LMBR1: variants seen among roughly 807,000 people sequenced by gnomAD.
LMBR1 encodes limb region 1 protein homolog.
A neutral mutation model predicts 73.9 loss-of-function variants in LMBR1; 52 were observed. The ratio of observed to expected loss-of-function variants is 0.70; its 90% CI spans 0.56 to 0.89. LMBR1 has a LOEUF of 0.89. Among genes scored for constraint, LMBR1 ranks in the 40% least tolerant of loss-of-function variants. LMBR1 has a pLI of 0.00. For missense variants in LMBR1, 539 were observed against 579.8 expected, an observed-to-expected ratio of 0.93 and a Z score of 0.72; for synonymous variants, 215 against 209.4, an observed-to-expected ratio of 1.03 and a Z score of -0.23.
At chr7:156,788,562 T>C (rs1028940169) in intron 5 of LMBR1, among the ~76,000 whole-genome samples, 11 of 150,530 alleles carry the variant, frequency 7.3e-5, no homozygotes, top group Admixed American at 5.3e-4. Context: ...CCCTGCCCTC[T>C]ACTAATACCT....
intron 15 of LMBR1, among the ~76,000 whole-genome samples, chr7:156,720,332 T>C (rs933493298): frequency 6.6e-6 from 1 of 152,172 alleles, no homozygotes; most frequent in African/African-American, 2.4e-5. Flanking sequence ...CGCATGAAAA[T>C]TATAATAAAG....
intron 5 of LMBR1, among the ~76,000 whole-genome samples, chr7:156,774,586 C>T (rs2133098773): frequency 6.6e-6 from 1 of 152,290 alleles, no homozygotes; most frequent in East Asian, 1.9e-4. Context: ...AATCCCAGCA[C>T]TTTGGGAGGC....
intron 4 of LMBR1, among the ~76,000 whole-genome samples, chr7:156,809,587 A>G (rs144840331): frequency 1.8e-4 from 28 of 152,366 alleles, no homozygotes; most frequent in African/African-American, 6.5e-4. Flanking sequence ...AACTCTGTAC[A>G]TGCTCACTAT....
intron 1 of LMBR1, among the ~76,000 whole-genome samples, chr7:156,868,681 A>G (rs1798827379): frequency 6.6e-6 from 1 of 151,342 alleles, no homozygotes; most frequent in Admixed American, 6.6e-5. Context: ...AAAGGCTTGC[A>G]GTGGCTAGGT....
At position 156,850,574 on chromosome 7, in the gene LMBR1, C is replaced by T. The variant is rs977927320; in HGVS notation, c.67-13689G>A. Among the ~76,000 whole-genome samples the T allele has an allele frequency of 2.0e-5, 3 of 152,072 alleles. 1 individual carries two copies. Among genetic ancestry groups the T allele is most frequent in the South Asian group, 4.1e-4 (2 of 4,824 alleles). ...TTTGTGTCTGGCTTCTTTCACTTAG[C>T]GTAATGTTTTCAAGGTTCATCCATG... On this transcript the variant is annotated intron_variant, in intron 1 of 16. Coordinates refer to ENST00000353442, the MANE Select transcript of LMBR1 (RefSeq NM_022458.4).
intron 4 of LMBR1, among the ~76,000 whole-genome samples, chr7:156,808,455 T>C (rs976875949): frequency 3.3e-5 from 5 of 152,188 alleles, no homozygotes; most frequent in Admixed American, 2.0e-4. Flanking sequence ...CCTACTGCCA[T>C]TGACCTAGTT....
At chr7:156,719,114 C>T (rs1355614332) in intron 15 of LMBR1, among the ~76,000 whole-genome samples, 1 of 149,790 alleles carries the variant, frequency 6.7e-6, no homozygotes. Context: ...GGTATATCTC[C>T]TAATGCTATC....
chr7:156,672,177 C>T (rs1388141800), intron 4 of LMBR1, among the ~76,000 whole-genome samples: 1 of 152,206 alleles, frequency 6.6e-6, no homozygotes, highest in Non-Finnish European at 1.5e-5. Flanking sequence ...AAGGGCCACC[C>T]TCCCTGAGAT....
intron 10 of LMBR1, among the ~76,000 whole-genome samples, chr7:156,733,591 C>T (rs568122467): frequency 2.0e-5 from 3 of 151,750 alleles, no homozygotes; most frequent in South Asian, 2.1e-4. Flanking sequence ...CAGCTATAGA[C>T]GCTAATCAAA....
At chr7:156,867,022 G>T (rs1798569707) in intron 1 of LMBR1, among the ~76,000 whole-genome samples, 1 of 152,186 alleles carries the variant, frequency 6.6e-6, no homozygotes, top group South Asian at 2.1e-4. Context: ...CTCTACCACA[G>T]CATTGGTGAC....
intron 1 of LMBR1, among the ~76,000 whole-genome samples, chr7:156,848,898 C>T (rs1336497999): frequency 6.7e-6 from 1 of 148,282 alleles, no homozygotes; most frequent in African/African-American, 2.5e-5. Context: ...ACCATGACAC[C>T]GCAGCCTGGG....
intron 1 of LMBR1, among the ~76,000 whole-genome samples, chr7:156,867,771 G>A (rs888847623): frequency 2.6e-5 from 4 of 152,176 alleles, no homozygotes; most frequent in African/African-American, 7.2e-5. Context: ...AGAGGAAGGA[G>A]TATGTGGGTG....
chr7:156,758,488 T>C (rs1026318860), intron 8 of LMBR1, among the ~76,000 whole-genome samples: 14 of 152,202 alleles, frequency 9.2e-5, no homozygotes, highest in African/African-American at 3.1e-4. Flanking sequence ...TGGGACCCTG[T>C]AGGAAGTATT....
intron 5 of LMBR1, among the ~76,000 whole-genome samples, chr7:156,771,296 T>G (rs1249661490): frequency 6.6e-6 from 1 of 152,008 alleles, no homozygotes; most frequent in Non-Finnish European, 1.5e-5. Context: ...AGGAGTTGAT[T>G]CTTTGAAAGA....
intron 1 of LMBR1, among the ~76,000 whole-genome samples, chr7:156,838,569 T>C (rs1168496495): frequency 6.6e-6 from 1 of 152,242 alleles, no homozygotes; most frequent in African/African-American, 2.4e-5. Flanking sequence ...TACAGCTGAA[T>C]AGTATTCCCT....
intron 15 of LMBR1, among the ~76,000 whole-genome samples, chr7:156,712,304 A>G (rs1812235514): frequency 6.6e-6 from 1 of 152,202 alleles, no homozygotes; most frequent in South Asian, 2.1e-4. Flanking sequence ...TAAGAACACA[A>G]TGTGATATTA....
chr7:156,799,620 C>T (rs939412598), intron 4 of LMBR1, among the ~76,000 whole-genome samples: 2 of 152,100 alleles, frequency 1.3e-5, no homozygotes, highest in Admixed American at 1.3e-4. Flanking sequence ...TGAAAGTAGG[C>T]CATGTAATAA....
chr7:156,710,831 A>G (rs1237916312), intron 15 of LMBR1, among the ~76,000 whole-genome samples: 2 of 152,208 alleles, frequency 1.3e-5, no homozygotes, highest in African/African-American at 4.8e-5. Flanking sequence ...TTTCAGCAGA[A>G]ACCTTAAAAG....
chr7:156,866,823 G>A (rs1428457158), intron 1 of LMBR1, among the ~76,000 whole-genome samples: 1 of 152,006 alleles, frequency 6.6e-6, no homozygotes, highest in South Asian at 2.1e-4. Context: ...AGGCTGGTCT[G>A]GAACTCCTGA....
Sources: gnomAD v4.1 joint callset for allele counts (sites outside exome capture counted in the v4.1 genomes callset) on GRCh38, gnomAD v4.1.1 for gene constraint, MANE v1.5 for transcripts, NCBI Gene and HGNC (gene_info 2026-07-23, HGNC 2026-07-21) for gene names.